DACH2: variants seen among roughly 807,000 people sequenced by gnomAD.
DACH2 encodes dachshund homolog 2.
A neutral mutation model predicts 35.8 loss-of-function variants in DACH2; 17 were observed. That is an observed-to-expected ratio of 0.48 (90% CI 0.33 to 0.71). The LOEUF (loss-of-function observed/expected upper bound fraction) is 0.71. Among genes scored for constraint, DACH2 ranks in the 30% least tolerant of loss-of-function variants. The pLI is 0.02. For synonymous variants in DACH2, 195 were observed against 177.3 expected, an observed-to-expected ratio of 1.10 and a Z score of -0.79; for missense variants, 469 against 472.7, an observed-to-expected ratio of 0.99 and a Z score of 0.07.
At chrX:86,711,042 A>C (rs2041272165) in intron 5 of DACH2, among the ~76,000 whole-genome samples, 1 of 112,199 alleles carries the variant, frequency 8.9e-6, no homozygotes, top group African/African-American at 3.2e-5. Flanking sequence ...CACTTACATA[A>C]AAATTATAGG....
At chrX:86,814,303 C>T (rs2042424219) in intron 9 of DACH2, among the ~76,000 whole-genome samples, 1 of 112,122 alleles carries the variant, frequency 8.9e-6, no homozygotes, top group Non-Finnish European at 1.9e-5. Flanking sequence ...GAATAGTAAT[C>T]AGTAACCTGA....
At chrX:86,599,743 G>A (rs191196988) in intron 3 of DACH2, among the ~76,000 whole-genome samples, 4 of 110,291 alleles carry the variant, frequency 3.6e-5, no homozygotes, top group Non-Finnish European at 7.6e-5. Flanking sequence ...TGATCCACCT[G>A]CCTCAGCCTC....
intron 1 of DACH2, among the ~76,000 whole-genome samples, chrX:86,304,008 C>A (rs761867019): frequency 1.5e-4 from 17 of 111,476 alleles, no homozygotes; most frequent in African/African-American, 5.5e-4. Flanking sequence ...ACCAAAACAG[C>A]ATGCCATTGA....
chrX:86,337,895 A>G (rs990610492), intron 1 of DACH2, among the ~76,000 whole-genome samples: 1 of 109,009 alleles, frequency 9.2e-6, no homozygotes, highest in Non-Finnish European at 1.9e-5. Flanking sequence ...AAATCAAAAA[A>G]AATCAGGGGT....
chrX:86,710,239 A>T (rs914472027), intron 5 of DACH2, among the ~76,000 whole-genome samples: 2 of 112,234 alleles, frequency 1.8e-5, no homozygotes, highest in Non-Finnish European at 3.8e-5. Context: ...TTAAGCGGAA[A>T]TTGCTAAGTG....
intron 3 of DACH2, among the ~76,000 whole-genome samples, chrX:86,529,977 GCACACACACACACACA>G (rs34621582): frequency 3.2e-4 from 27 of 84,245 alleles, no homozygotes; most frequent in African/African-American, 1.3e-3. Context: ...ACACACACAC[GCACACACACACACACA>G]CACACACACA....
chrX:86,809,512 G>GAA (rs35199123), intron 7 of DACH2, among the ~76,000 whole-genome samples: 59 of 108,333 alleles, frequency 5.4e-4, no homozygotes, highest in Admixed American at 2.8e-3. Flanking sequence ...AGTTAAATAG[G>GAA]AAAAAAAAAT....
chrX:86,217,051 A>G lies in DACH2; in HGVS notation c.488+67943A>G, dbSNP rs1168503572. On this transcript the variant is annotated intron_variant, in intron 1 of 11. Coordinates refer to ENST00000373125, the MANE Select transcript of DACH2 (RefSeq NM_053281.3). ...GGTTGCAGGAAGCTGAGATAGTGCC[A>G]CTGCCTCCAGCCTGGGTGACAGAGC... Among the ~76,000 whole-genome samples, 3 of 107,911 alleles carry G rather than the reference A, an allele frequency of 2.8e-5. No homozygotes were observed. The Admixed American group carries it at 3.0e-4, about 11-fold the overall frequency. 93.7% of individuals were successfully genotyped at this position (107,911 alleles called of 115,157 possible). A position where few individuals can be genotyped will look rare whatever the true frequency, so the allele number is the denominator to read the frequency against.
At position 86,150,667 on chromosome X, in the gene DACH2, AAC is replaced by A. The variant is rs1401274370; in HGVS notation, c.488+1563_488+1564del. Among the ~76,000 whole-genome samples, 3 of 111,960 alleles carry A rather than the reference AAC, an allele frequency of 2.7e-5. No individual in the cohort carries two copies. In the South Asian group the frequency reaches 1.1e-3, roughly 42 times the overall value. On this transcript the variant is annotated intron_variant, in intron 1 of 11. Transcript: ENST00000373125. ...TCTTAAGGAAGATAGATGGCCTGAA[AAC>A]ACAAAGGATAACAGCTCCCTCAATA...
chrX:86,710,978 A>T (rs1331436379), intron 5 of DACH2, among the ~76,000 whole-genome samples: 1 of 112,156 alleles, frequency 8.9e-6, no homozygotes. Flanking sequence ...TGGGATTTAG[A>T]TAGAGGATTA....
chrX:86,629,498 CAAG>C (rs769331461), intron 3 of DACH2, among the ~76,000 whole-genome samples: 1 of 111,343 alleles, frequency 9.0e-6, no homozygotes, highest in Non-Finnish European at 1.9e-5. Flanking sequence ...TTTTCTTAAA[CAAG>C]AAGATTGTCT....
intron 1 of DACH2, 83 bp from the exon 2 acceptor site, chrX:86,376,741 C>A: frequency 1.9e-6 from 2 of 1,075,924 alleles, no homozygotes; most frequent in Admixed American, 7.6e-5. Context: ...TATAATAAAG[C>A]CTTGCTTAAT....
chrX:86,718,903 A>G (rs1218795422), intron 6 of DACH2, among the ~76,000 whole-genome samples: 1 of 111,979 alleles, frequency 8.9e-6, no homozygotes, highest in Non-Finnish European at 1.9e-5. Flanking sequence ...ATTTGAAGTC[A>G]GGTAATGAGA....
In DACH2 at chrX:86,283,922, G is replaced by GT. The variant is rs945062113; in HGVS notation, c.489-92902_489-92901insT. ...CACACACACACACATATATATATAT[G>GT]AAATCCTGCTGACTTTTGTGCATTG... On this transcript the variant is annotated intron_variant, in intron 1 of 11. Coordinates refer to ENST00000373125, the MANE Select transcript of DACH2 (RefSeq NM_053281.3). 1.0e-4 allele frequency among the ~76,000 whole-genome samples: 11 copies of GT among 107,441 alleles called. No individual in the cohort carries two copies. The East Asian group carries it at 1.7e-3, about 17-fold the overall frequency. The allele number at this position is 107,441 out of a possible 115,157, so 93.3% of individuals were successfully genotyped here.
chrX:86,175,791 C>T (rs888856777), intron 1 of DACH2, among the ~76,000 whole-genome samples: 2 of 110,780 alleles, frequency 1.8e-5, no homozygotes, highest in African/African-American at 6.6e-5. Flanking sequence ...AGTATTGGGT[C>T]GCTGTGGAAG....
intron 2 of DACH2, among the ~76,000 whole-genome samples, chrX:86,489,684 A>C (rs1460532582): frequency 8.9e-6 from 1 of 111,844 alleles, no homozygotes; most frequent in Non-Finnish European, 1.9e-5. Context: ...ATCTCGCTTC[A>C]TAAATTACAT....
At chrX:86,459,426 C>T (rs756988496) in intron 2 of DACH2, among the ~76,000 whole-genome samples, 5 of 111,497 alleles carry the variant, frequency 4.5e-5, no homozygotes, top group African/African-American at 6.5e-5. Context: ...ACAACCTTTG[C>T]GCACCCAGTT....
chrX:86,245,740 C>T, intron 1 of DACH2, among the ~76,000 whole-genome samples: 1 of 112,056 alleles, frequency 8.9e-6, no homozygotes, highest in Non-Finnish European at 1.9e-5. Flanking sequence ...AAAGAACCAG[C>T]ACATGAACTC....
intron 3 of DACH2, among the ~76,000 whole-genome samples, chrX:86,636,001 G>A (rs991181814): frequency 8.9e-6 from 1 of 111,980 alleles, no homozygotes; most frequent in Non-Finnish European, 1.9e-5. Context: ...AACTATCAAT[G>A]ACATTCTTCA....
Sources: gnomAD v4.1 joint callset for allele counts (sites outside exome capture counted in the v4.1 genomes callset) on GRCh38, gnomAD v4.1.1 for gene constraint, MANE v1.5 for transcripts, NCBI Gene and HGNC (gene_info 2026-07-23, HGNC 2026-07-21) for gene names.